Variants in CCDC14 observed in about 807,000 individuals in gnomAD.
CCDC14 encodes coiled-coil domain-containing protein 14.
A neutral mutation model predicts 81.4 loss-of-function variants in CCDC14; 71 were observed. The observed-to-expected ratio is 0.87, with a 90% CI of 0.72 to 1.06. CCDC14 has a LOEUF of 1.06. Ranked by LOEUF, CCDC14 falls within the 50% of genes least tolerant of loss-of-function variation. The pLI is 0.00. For synonymous variants in CCDC14, 332 were observed against 364.8 expected (o/e 0.91, Z 1.03); for missense variants, 1,046 against 1,047.3 (o/e 1.00, Z 0.02).
rs1298634202 is a variant in CCDC14 at position 123,915,704 on chromosome 3, C to T, written c.1793G>A (p.Ser598Asn). The change falls in exon 13 of 13, where the codon AGC becomes AAC. Residue 598 changes from serine (S) to asparagine (N), a missense_variant. Ser to Asn is a conservative substitution (Grantham distance 46, BLOSUM62 1). Transcript: ENST00000409697. ...LRELTRTLQT[S>N]MAKLLSDLSV... is the part of the protein sequence containing the mutation. ...AAGATCGGAGAGAAGCTTTGCCATGCTAGTCTGTAAAGTTCTGTTAAGAAG... is the reference window on the plus strand; with the variant it reads ...AAGATCGGAGAGAAGCTTTGCCATGTTAGTCTGTAAAGTTCTGTTAAGAAG... The T allele has an allele frequency of 6.2e-7, 1 of 1,610,714 alleles. No individual in the cohort carries two copies. Among genetic ancestry groups the T allele is most frequent in the Admixed American group, 1.7e-5 (1 of 59,578 alleles).
In CCDC14 at chr3:123,947,159, C is replaced by T; in HGVS notation, c.845G>A (p.Gly282Asp). The change falls in exon 8 of 13, where the codon GGC (glycine) becomes GAC (aspartate). Residue 282 changes from glycine to aspartate, a missense_variant. Gly to Asp is a moderately conservative substitution (Grantham distance 94). Coordinates refer to ENST00000409697, the MANE Select transcript of CCDC14 (RefSeq NM_001366335.1). ...ISAIPTLQQL[G>D]LVNGILPQQG... Reference sequence around the variant, plus strand: ...TTGTGGCAGAATTCCATTAACAAGGCCCAGTTGCTGCAATGTTGGAATAGC... The same window carrying T: ...TTGTGGCAGAATTCCATTAACAAGGTCCAGTTGCTGCAATGTTGGAATAGC... The T allele has an allele frequency of 1.9e-6, 3 of 1,613,912 alleles. No individual in the cohort carries two copies. The highest frequency in any genetic ancestry group is 2.5e-6 in the Non-Finnish European group (3 of 1,179,866).
downstream of CCDC14, among the ~76,000 whole-genome samples, chr3:123,909,891 A>G (rs79060458): frequency 0.11 from 16,048 of 152,200 alleles, 2,001 homozygotes; most frequent in East Asian, 0.47. Context: ...ACTGAGAATC[A>G]CAACATCTGG....
intron 12 of CCDC14, among the ~76,000 whole-genome samples, chr3:123,926,371 A>G (rs2035361698): frequency 6.6e-6 from 1 of 151,834 alleles, no homozygotes; most frequent in Admixed American, 6.6e-5. Context: ...AATTCAGCTA[A>G]AGACACTGAT....
intron 12 of CCDC14, among the ~76,000 whole-genome samples, chr3:123,916,397 T>A (rs1351534039): frequency 1.3e-5 from 2 of 151,950 alleles, no homozygotes; most frequent in Non-Finnish European, 1.5e-5. Context: ...TAGGCTAAGA[T>A]ACAAAGGGAA....
intron 5 of CCDC14, among the ~76,000 whole-genome samples, chr3:123,906,115 G>A (rs1024794575): frequency 6.6e-6 from 1 of 152,062 alleles, no homozygotes; most frequent in Non-Finnish European, 1.5e-5. Context: ...GGATCATGAG[G>A]TCAGGAGATC....
downstream of CCDC14, among the ~76,000 whole-genome samples, chr3:123,894,246 C>A (rs2034029333): frequency 6.6e-6 from 1 of 152,128 alleles, no homozygotes; most frequent in African/African-American, 2.4e-5. Flanking sequence ...TGATTTCAAA[C>A]CTCGTTGAAA....
chr3:123,939,398 T>C (rs1032772148), intron 9 of CCDC14, among the ~76,000 whole-genome samples: 2 of 151,138 alleles, frequency 1.3e-5, no homozygotes, highest in East Asian at 1.9e-4. Flanking sequence ...TTGTTTTGCA[T>C]GGTTTTTCTG....
At chr3:123,917,363 T>C (rs1478149217) in intron 12 of CCDC14, among the ~76,000 whole-genome samples, 2 of 151,436 alleles carry the variant, frequency 1.3e-5, no homozygotes, top group South Asian at 2.1e-4. Context: ...GGCATGGTGA[T>C]GTGCGCCTGT....
the CCDC14 span, among the ~76,000 whole-genome samples, chr3:123,886,644 C>T: frequency 6.6e-6 from 1 of 152,106 alleles, no homozygotes; most frequent in African/African-American, 2.4e-5. Flanking sequence ...GATCTGCCCA[C>T]CTCGGCCTCC....
At chr3:123,949,426 G>C in intron 5 of CCDC14, 1 of 345,670 alleles carries the variant, frequency 2.9e-6, no homozygotes, top group Admixed American at 4.3e-5. Context: ...TCTTTTAAGG[G>C]AGTTATATTA....
chr3:123,910,120 C>T (rs1296766409), downstream of CCDC14, among the ~76,000 whole-genome samples: 2 of 152,046 alleles, frequency 1.3e-5, no homozygotes, highest in Non-Finnish European at 1.5e-5. Flanking sequence ...AGGAAATGCT[C>T]ATGTCTAGCT....
rs781063505 is a variant in CCDC14, at chr3:123,931,212, A to G, written c.1668T>C (p.Asn556=). ...CTAACTTAAACTGGGAGCTTTTCAC[A>G]TTGACTAGGGCTTCCTCCAATTCTA... is the stretch of plus-strand genomic sequence containing the variant. The part of the protein sequence containing the change: ...IKIELEEALV[N]VKSSQFKLET... Residue 556 remains asparagine, a synonymous_variant, in exon 12 of 13, where the codon AAT becomes AAC. Transcript: ENST00000409697. The G allele has an allele frequency of 6.6e-5, 106 of 1,610,152 alleles. 1 individual carries two copies. The South Asian group carries it at 1.1e-3, about 17-fold the overall frequency.
chr3:123,944,742 A>G, intron 9 of CCDC14, 107 bp downstream of exon 9: 1 of 706,994 alleles, frequency 1.4e-6, no homozygotes, highest in Non-Finnish European at 2.1e-6. Flanking sequence ...ACAGTAAGAC[A>G]GCAAATAAAT....
chr3:123,960,345 C>T (rs1231414407), intron 1 of CCDC14, among the ~76,000 whole-genome samples: 2 of 152,084 alleles, frequency 1.3e-5, no homozygotes, highest in East Asian at 3.8e-4. Context: ...ACCTAAATTT[C>T]AGAAAAGTGG....
In CCDC14 at chr3:123,933,668, C is replaced by CATTCATTGCATTTACATTCATTG; in HGVS notation, c.1426+4_1426+5insCAATGAATGTAAATGCAATGAAT. 1 of 1,557,356 alleles carries CATTCATTGCATTTACATTCATTG rather than the reference C, an allele frequency of 6.4e-7. No individual in the cohort carries two copies. Among genetic ancestry groups the CATTCATTGCATTTACATTCATTG allele is most frequent in the Non-Finnish European group, 8.7e-7 (1 of 1,146,116 alleles). ...TTTATCAATCCTTAAAGTTCTTTTA[C>CATTCATTGCATTTACATTCATTG]CTACATTCAAGGTTGCAATCCACAG... On this transcript the variant is annotated splice_donor_region_variant and intron_variant, in intron 10 of 12. Transcript: ENST00000409697.
chr3:123,904,529 C>T (rs1159287542), intron 5 of CCDC14, among the ~76,000 whole-genome samples: 1 of 150,598 alleles, frequency 6.6e-6, no homozygotes, highest in Non-Finnish European at 1.5e-5. Context: ...AAAGGATAAC[C>T]AACTCGTTAA....
rs531982691 is a variant in CCDC14 at position 123,943,558 on chromosome 3, C to A, written c.1343+1291G>T. Among the ~76,000 whole-genome samples, 10 of 152,252 alleles carry A rather than the reference C, an allele frequency of 6.6e-5. No individual in the cohort carries two copies. The East Asian group carries it at 1.9e-3, about 29-fold the overall frequency. On this transcript the variant is annotated intron_variant, in intron 9 of 12. Coordinates refer to ENST00000409697, the MANE Select transcript of CCDC14 (RefSeq NM_001366335.1). Reference sequence around the variant, plus strand: ...ATAAGAACCCCATTTCTGAAGGAGACCTGCCTCATACTGAGGAGAAAGGAA... The same window carrying A: ...ATAAGAACCCCATTTCTGAAGGAGAACTGCCTCATACTGAGGAGAAAGGAA...
intron 9 of CCDC14, among the ~76,000 whole-genome samples, chr3:123,941,352 C>A (rs1394309959): frequency 6.6e-6 from 1 of 151,510 alleles, no homozygotes; most frequent in South Asian, 2.1e-4. Context: ...TTTTAAGCCA[C>A]AAGATGGCAA....
At chr3:123,952,666 G>A (rs1213964163) in intron 5 of CCDC14, 1 of 516,998 alleles carries the variant, frequency 1.9e-6, no homozygotes, top group Non-Finnish European at 4.0e-6. Flanking sequence ...AAGTACATAA[G>A]GAGGCCACTC....
Sources: gnomAD v4.1 joint callset for allele counts (sites outside exome capture counted in the v4.1 genomes callset) on GRCh38, gnomAD v4.1.1 for gene constraint, MANE v1.5 for transcripts, NCBI Gene and HGNC (gene_info 2026-07-23, HGNC 2026-07-21) for gene names.